ERC2: variants seen among roughly 807,000 people sequenced by gnomAD.
The protein encoded by ERC2 is ERC protein 2.
ERC2 carries 42 observed loss-of-function variants against 114.8 expected under a neutral mutation model. The ratio of observed to expected loss-of-function variants is 0.37; its 90% CI spans 0.29 to 0.47. The LOEUF (loss-of-function observed/expected upper bound fraction) is 0.47. Among genes scored for constraint, ERC2 ranks in the 20% least tolerant of loss-of-function variants. ERC2 has a pLI of 0.99. For synonymous variants in ERC2, 454 were observed against 425.5 expected, an observed-to-expected ratio of 1.07 and a Z score of -0.82; for missense variants, 939 against 1,150.7, an observed-to-expected ratio of 0.82 and a Z score of 2.66.
chr3:55,677,296 A>G (rs1182484645), intron 17 of ERC2, among the ~76,000 whole-genome samples: 4 of 152,202 alleles, frequency 2.6e-5, no homozygotes, highest in African/African-American at 7.2e-5. Context: ...AGGTAACTGG[A>G]GAGGGTATGT....
intron 15 of ERC2, among the ~76,000 whole-genome samples, chr3:55,709,178 C>G (rs1341788682): frequency 6.6e-6 from 1 of 152,036 alleles, no homozygotes; most frequent in African/African-American, 2.4e-5. Context: ...TCTAGTAGAA[C>G]TCTAGGAGCA....
At chr3:55,806,883 G>A (rs1410539622) in intron 14 of ERC2, among the ~76,000 whole-genome samples, 1 of 152,188 alleles carries the variant, frequency 6.6e-6, no homozygotes, top group Non-Finnish European at 1.5e-5. Flanking sequence ...AAATGCTAGT[G>A]GTAACTACTC....
chr3:56,060,763 A>T (rs1218905889), intron 7 of ERC2, among the ~76,000 whole-genome samples: 1 of 152,128 alleles, frequency 6.6e-6, no homozygotes, highest in East Asian at 1.9e-4. Flanking sequence ...CAACAGCCAA[A>T]TTGAATCCAC....
chr3:55,733,455 C>CTCTGTCTCTCAT (rs2065392369), intron 15 of ERC2, among the ~76,000 whole-genome samples: 2 of 99,092 alleles, frequency 2.0e-5, no homozygotes, highest in Non-Finnish European at 4.7e-5. Context: ...CTCTCATTCT[C>CTCTGTCTCTCAT]TCTCTCTCTC....
chr3:56,233,429 T>G (rs973323324), intron 3 of ERC2, among the ~76,000 whole-genome samples: 2 of 152,152 alleles, frequency 1.3e-5, no homozygotes, highest in Admixed American at 1.3e-4. Flanking sequence ...GAGACCAGCC[T>G]GGCCAACATG....
rs562586226 is a variant in ERC2, at chr3:55,814,302, C to G, written c.2564+74087G>C. On this transcript the variant is annotated intron_variant, in intron 14 of 17. Transcript: ENST00000288221. Reference sequence around the variant, plus strand: ...TCTCCTTTTGATTTTCATGACAATCCTATACGATACACAAAGCCAGTGGTA... The same window carrying G: ...TCTCCTTTTGATTTTCATGACAATCGTATACGATACACAAAGCCAGTGGTA... Among the ~76,000 whole-genome samples the G allele has an allele frequency of 7.9e-5, 12 of 152,176 alleles. No individual in the cohort carries two copies. The East Asian group carries it at 2.3e-3, about 29-fold the overall frequency.
chr3:55,635,782 C>T (rs1405692394), intron 17 of ERC2, among the ~76,000 whole-genome samples: 1 of 152,154 alleles, frequency 6.6e-6, no homozygotes, highest in Non-Finnish European at 1.5e-5. Flanking sequence ...CAGAGGCTCT[C>T]CCAAATAAGT....
At chr3:55,770,068 A>C in intron 14 of ERC2, among the ~76,000 whole-genome samples, 1 of 152,230 alleles carries the variant, frequency 6.6e-6, no homozygotes, top group Non-Finnish European at 1.5e-5. Flanking sequence ...TAATGCGTGC[A>C]AACTGCAAGC....
intron 2 of ERC2, among the ~76,000 whole-genome samples, chr3:56,343,873 C>T (rs918993681): frequency 6.6e-6 from 1 of 152,190 alleles, no homozygotes. Flanking sequence ...GTTACCTTCA[C>T]AAATTCTGTT....
chr3:55,888,232 TA>T (rs2063442409), intron 14 of ERC2, among the ~76,000 whole-genome samples, 156 bp downstream of exon 14: 1 of 152,160 alleles, frequency 6.6e-6, no homozygotes, highest in Admixed American at 6.6e-5. Context: ...AAGTTACAAT[TA>T]AAAAATAAGA....
chr3:56,340,978 TG>T (rs1254783678), intron 2 of ERC2, among the ~76,000 whole-genome samples: 1 of 152,050 alleles, frequency 6.6e-6, no homozygotes, highest in Non-Finnish European at 1.5e-5. Context: ...TCCACTTCTT[TG>T]GGGGGGAAAA....
intron 6 of ERC2, among the ~76,000 whole-genome samples, chr3:56,133,299 T>G (rs1447475980): frequency 6.6e-6 from 1 of 152,076 alleles, no homozygotes; most frequent in Non-Finnish European, 1.5e-5. Flanking sequence ...TAGCTGGGTA[T>G]GGTGTTGCAT....
At chr3:55,746,034 T>C (rs1425321969) in intron 14 of ERC2, among the ~76,000 whole-genome samples, 1 of 152,208 alleles carries the variant, frequency 6.6e-6, no homozygotes, top group African/African-American at 2.4e-5. Flanking sequence ...ATATTTCCCT[T>C]CTTAATTTGA....
At chr3:56,108,104 A>G (rs2078766938) in intron 6 of ERC2, among the ~76,000 whole-genome samples, 1 of 152,236 alleles carries the variant, frequency 6.6e-6, no homozygotes, top group African/African-American at 2.4e-5. Context: ...ACACTTTATT[A>G]ACAGAAATAC....
intron 2 of ERC2, among the ~76,000 whole-genome samples, chr3:56,322,160 G>C (rs2057156719): frequency 6.6e-6 from 1 of 152,224 alleles, no homozygotes; most frequent in Admixed American, 6.5e-5. Flanking sequence ...AGTAGGATTA[G>C]ATGAGCTATG....
chr3:55,906,837 T>C (rs1245253686), intron 13 of ERC2, among the ~76,000 whole-genome samples: 1 of 152,216 alleles, frequency 6.6e-6, no homozygotes, highest in Non-Finnish European at 1.5e-5. Context: ...GGGGAGTCTC[T>C]GTGAAAGGAA....
At chr3:55,614,781 G>A (rs1263606091) in intron 17 of ERC2, among the ~76,000 whole-genome samples, 2 of 152,106 alleles carry the variant, frequency 1.3e-5, no homozygotes, top group Non-Finnish European at 2.9e-5. Context: ...ACTGAGCGGG[G>A]AAAAAACGTT....
At chr3:56,251,929 T>C (rs935512992) in intron 3 of ERC2, among the ~76,000 whole-genome samples, 4 of 152,216 alleles carry the variant, frequency 2.6e-5, no homozygotes, top group Non-Finnish European at 4.4e-5. Flanking sequence ...CTCCATATTT[T>C]ACACAGGAGG....
At chr3:56,326,286 T>A (rs952255459) in intron 2 of ERC2, among the ~76,000 whole-genome samples, 4 of 152,280 alleles carry the variant, frequency 2.6e-5, no homozygotes, top group Non-Finnish European at 5.9e-5. Flanking sequence ...GGAAAGCAGA[T>A]AGTGAAGACA....
Sources: allele counts gnomAD v4.1 joint callset (sites outside exome capture counted in the v4.1 genomes callset), GRCh38; gene constraint gnomAD v4.1.1; transcripts MANE v1.5; gene names NCBI Gene and HGNC (gene_info 2026-07-23, HGNC 2026-07-21).